NSUN3: variants seen among roughly 807,000 people sequenced by gnomAD.
The protein encoded by NSUN3 is tRNA (cytosine(34)-C(5))-methyltransferase, mitochondrial.
In NSUN3, 24 loss-of-function variants were observed where a neutral mutation model predicts 36.8. The observed-to-expected ratio is 0.65, with a 90% CI of 0.47 to 0.92. NSUN3 has a LOEUF of 0.92. Ranked by LOEUF, NSUN3 falls within the 40% of genes least tolerant of loss-of-function variation. The probability of loss-of-function intolerance (pLI) is 0.00; values close to 1 mark genes in which losing one functional copy is unlikely to be tolerated. For missense variants in NSUN3, 381 were observed against 392.8 expected (o/e 0.97, Z 0.25); for synonymous variants, 146 against 145.2 (o/e 1.01, Z -0.04).
At chr3:94,069,992 TATTTTTCTTTTGTTTCTTAGGA>T (rs1489997793) in intron 2 of NSUN3, among the ~76,000 whole-genome samples, 21 of 152,348 alleles carry the variant, frequency 1.4e-4, no homozygotes, top group Admixed American at 5.2e-4. Flanking sequence ...TCAGTTTTAA[TATTTTTCTTTTGTTTCTTAGGA>T]ATTTTTCTTT....
chr3:94,071,565 G>A (rs2077224816), intron 2 of NSUN3, among the ~76,000 whole-genome samples: 1 of 152,082 alleles, frequency 6.6e-6, no homozygotes, highest in South Asian at 2.1e-4. Flanking sequence ...ACAGTATGCT[G>A]GAAATTGCAT....
At position 94,067,183 on chromosome 3, in the gene NSUN3, G is replaced by A. The variant is rs1040331712; in HGVS notation, c.122+2637G>A. Among the ~76,000 whole-genome samples the A allele has an allele frequency of 3.3e-5, 5 of 152,184 alleles. No individual in the cohort carries two copies. The East Asian group carries it at 7.7e-4, about 23-fold the overall frequency. ...AAAGTGGATACCAAGGCTTTGGTGA[G>A]TGTCCCTGGTTGGCAATACTCTTGT... is the stretch of plus-strand genomic sequence containing the variant. On this transcript the variant is annotated intron_variant, in intron 2 of 5. Coordinates refer to ENST00000314622, the MANE Select transcript of NSUN3 (RefSeq NM_022072.5).
chr3:94,094,581 G>A (rs1255721343), intron 4 of NSUN3, among the ~76,000 whole-genome samples: 8 of 152,166 alleles, frequency 5.3e-5, no homozygotes, highest in African/African-American at 1.9e-4. Flanking sequence ...GTACTGTATT[G>A]CTTTAATTCA....
At chr3:94,113,749 A>G (rs566973858) in intron 5 of NSUN3, among the ~76,000 whole-genome samples, 1 of 152,306 alleles carries the variant, frequency 6.6e-6, no homozygotes, top group East Asian at 1.9e-4. Flanking sequence ...ATTTTTATCT[A>G]CCTTTTAGAG....
At chr3:94,119,116 AT>A (rs1305099705) in intron 5 of NSUN3, among the ~76,000 whole-genome samples, 1 of 152,116 alleles carries the variant, frequency 6.6e-6, no homozygotes, top group Non-Finnish European at 1.5e-5. Context: ...GAAGCAGATG[AT>A]TTATCCCAGA....
chr3:94,112,897 C>T (rs750244346), intron 5 of NSUN3, among the ~76,000 whole-genome samples: 1 of 152,116 alleles, frequency 6.6e-6, no homozygotes. Context: ...CGGAGTCTTG[C>T]TCTGTGGCCC....
intron 5 of NSUN3, among the ~76,000 whole-genome samples, chr3:94,101,995 C>T (rs1329185085): frequency 1.3e-5 from 2 of 151,852 alleles, no homozygotes; most frequent in Non-Finnish European, 2.9e-5. Context: ...CATTCGTTTC[C>T]TAGGAGAAAA....
intron 5 of NSUN3, among the ~76,000 whole-genome samples, chr3:94,113,271 A>G (rs1344329506): frequency 6.6e-6 from 1 of 152,226 alleles, no homozygotes; most frequent in Non-Finnish European, 1.5e-5. Context: ...GATAACTGCC[A>G]TTAAAAGTAT....
At chr3:94,110,755 C>A (rs1346195882) in intron 5 of NSUN3, among the ~76,000 whole-genome samples, 1 of 151,938 alleles carries the variant, frequency 6.6e-6, no homozygotes, top group African/African-American at 2.4e-5. Flanking sequence ...CACACACACA[C>A]ACACACACAC....
At chr3:94,112,372 A>G (rs1023978047) in intron 5 of NSUN3, among the ~76,000 whole-genome samples, 3 of 152,216 alleles carry the variant, frequency 2.0e-5, no homozygotes, top group African/African-American at 7.2e-5. Flanking sequence ...TTCTTCACTT[A>G]GATTCTGCTA....
intron 3 of NSUN3, among the ~76,000 whole-genome samples, chr3:94,087,304 G>A (rs780724205): frequency 3.3e-5 from 5 of 152,202 alleles, no homozygotes; most frequent in Non-Finnish European, 4.4e-5. Context: ...AATGATGGCT[G>A]CACTAAATGT....
intron 3 of NSUN3, among the ~76,000 whole-genome samples, chr3:94,091,135 C>T (rs537842120): frequency 9.2e-5 from 14 of 151,972 alleles, no homozygotes; most frequent in African/African-American, 1.5e-4. Flanking sequence ...AAGTATGCTT[C>T]GAAATCATTA....
chr3:94,131,303 A>G lies in NSUN3; in HGVS notation c.*4813A>G, dbSNP rs953573281. ...TATAAATCATTTTACTTAATATTTC[A>G]TAGTTAAAGGGTAGAGCCGCGATCA... On this transcript the variant is annotated 3_prime_UTR_variant, in exon 6 of 6. Coordinates refer to ENST00000314622, the MANE Select transcript of NSUN3 (RefSeq NM_022072.5). Among the ~76,000 whole-genome samples the G allele has an allele frequency of 2.0e-4, 31 of 152,060 alleles. No homozygotes were observed. Among genetic ancestry groups the G allele is most frequent in the African/African-American group, 7.2e-4 (30 of 41,396 alleles).
intron 2 of NSUN3, among the ~76,000 whole-genome samples, chr3:94,066,631 T>C (rs1307152910): frequency 6.6e-6 from 1 of 152,166 alleles, no homozygotes; most frequent in Non-Finnish European, 1.5e-5. Context: ...CTTGCTCTAT[T>C]TGTTGCCTCC....
rs376942852 is a variant in NSUN3 at position 94,094,110 on chromosome 3, A to G, written c.467-30A>G. The stretch of plus-strand genomic sequence containing the variant: ...GAAATTTAACAGTTCCATTGCCTTC[A>G]TTTGAAACTTTTTAATCCTTTTTAT... On this transcript the variant is annotated intron_variant, in intron 3 of 5. Transcript: ENST00000314622. 1.4e-4 allele frequency: 219 copies of G among 1,521,648 alleles called. 2 individuals are homozygous for G. In the African/African-American group the frequency reaches 2.9e-3, roughly 20 times the overall value. 94.3% of individuals were successfully genotyped at this position (1,521,648 alleles called of 1,614,324 possible).
At chr3:94,088,230 A>T (rs1213131232) in intron 3 of NSUN3, among the ~76,000 whole-genome samples, 1 of 152,230 alleles carries the variant, frequency 6.6e-6, no homozygotes, top group Non-Finnish European at 1.5e-5. Flanking sequence ...ACCATTTTGT[A>T]ACACTTTGTA....
chr3:94,106,882 G>A (rs1053993315), intron 5 of NSUN3, among the ~76,000 whole-genome samples: 1 of 151,674 alleles, frequency 6.6e-6, no homozygotes, highest in Non-Finnish European at 1.5e-5. Flanking sequence ...AGTAAATGAA[G>A]AAAAAATTCC....
intron 3 of NSUN3, among the ~76,000 whole-genome samples, chr3:94,090,763 G>A (rs1423469172): frequency 4.6e-5 from 7 of 152,198 alleles, no homozygotes; most frequent in East Asian, 1.9e-4. Context: ...GGTAAATTAC[G>A]TACTGAAGCT....
At chr3:94,082,922 A>G (rs1305756230) in intron 2 of NSUN3, among the ~76,000 whole-genome samples, 1 of 152,156 alleles carries the variant, frequency 6.6e-6, no homozygotes, top group East Asian at 1.9e-4. Flanking sequence ...TTAGTTTTCC[A>G]TACCTTTTAT....
Sources: allele counts gnomAD v4.1 joint callset (sites outside exome capture counted in the v4.1 genomes callset), GRCh38; gene constraint gnomAD v4.1.1; transcripts MANE v1.5; gene names NCBI Gene and HGNC (gene_info 2026-07-23, HGNC 2026-07-21).